AOAH: variants seen among roughly 807,000 people sequenced by gnomAD.
AOAH encodes acyloxyacyl hydrolase (neutrophil).
AOAH carries 64 observed loss-of-function variants against 92.2 expected under a neutral mutation model. That is an observed-to-expected ratio of 0.69 (90% CI 0.57 to 0.86). The LOEUF (loss-of-function observed/expected upper bound fraction) is 0.86. AOAH is among the 40% of genes least tolerant of loss of function. The pLI, the probability that AOAH is intolerant of heterozygous loss-of-function variation, is 0.00. For missense variants in AOAH, 656 were observed against 694.6 expected (o/e 0.94, Z 0.62); for synonymous variants, 263 against 254.5 (o/e 1.03, Z -0.32).
At chr7:36,644,264 C>G (rs1794091466) in intron 4 of AOAH, among the ~76,000 whole-genome samples, 1 of 152,104 alleles carries the variant, frequency 6.6e-6, no homozygotes, top group Non-Finnish European at 1.5e-5. Context: ...AGATCCAATT[C>G]AGACCCACTT....
chr7:36,620,671 C>T, intron 9 of AOAH, 110 bp downstream of exon 9: 1 of 1,011,436 alleles, frequency 9.9e-7, no homozygotes. Context: ...AAAAGAGTTG[C>T]TTTAGGCTGT....
chr7:36,576,618 C>A lies in AOAH; in HGVS notation c.977G>T (p.Arg326Ile), dbSNP rs776031951. The A allele has an allele frequency of 6.3e-7, 1 of 1,582,442 alleles. No individual in the cohort carries two copies. Among genetic ancestry groups the A allele is most frequent in the Non-Finnish European group, 8.6e-7 (1 of 1,159,778 alleles). ...GTAGTCCCTGTGATTACAGTGGTTT[C>A]TTTTCCATAAGCGAAGGTAAATAGA... Reference protein sequence around the residue: ...EKSIYLRLWKRNHCNHRDYQN... With the variant: ...EKSIYLRLWKINHCNHRDYQN... Residue 326 changes from arginine (R) to isoleucine (I), a missense_variant, in exon 13 of 21, where the codon AGA (arginine) becomes ATA (isoleucine). Arg to Ile is a moderately conservative substitution (Grantham distance 97). Coordinates refer to ENST00000617537, the MANE Select transcript of AOAH (RefSeq NM_001637.4).
chr7:36,544,622 G>C (rs1386283587), intron 15 of AOAH, among the ~76,000 whole-genome samples: 1 of 152,196 alleles, frequency 6.6e-6, no homozygotes, highest in Non-Finnish European at 1.5e-5. Context: ...AATAATGAGA[G>C]AGAAACTGGT....
At chr7:36,548,551 A>G in intron 15 of AOAH, 61 bp downstream of exon 15, 1 of 1,394,288 alleles carries the variant, frequency 7.2e-7, no homozygotes, top group Non-Finnish European at 1.0e-6. Flanking sequence ...GTTGGTGAGG[A>G]GAGGGTGGGG....
chr7:36,576,886 C>A (rs1424573668), intron 12 of AOAH, among the ~76,000 whole-genome samples: 1 of 152,148 alleles, frequency 6.6e-6, no homozygotes, highest in Non-Finnish European at 1.5e-5. Context: ...CTGTTGAAGA[C>A]ATAAAACTTT....
intron 6 of AOAH, 27 bp from the exon 7 acceptor site, chr7:36,623,277 G>A (rs751058765): frequency 6.2e-7 from 1 of 1,604,210 alleles, no homozygotes; most frequent in South Asian, 1.1e-5. Context: ...AAAACAATCG[G>A]TGAGCTAACA....
intron 11 of AOAH, among the ~76,000 whole-genome samples, chr7:36,613,812 C>T (rs1259563582): frequency 2.0e-5 from 3 of 152,200 alleles, no homozygotes; most frequent in African/African-American, 7.2e-5. Flanking sequence ...CTGAAGTTAA[C>T]ATTTTGCAAA....
chr7:36,703,470 G>A lies in AOAH; in HGVS notation c.128-16676C>T, dbSNP rs113760315. ...TCAGGTTTGTTACATGGGTATACAC[G>A]TGCCATGGTGATTTGCTGCACCCAT... On this transcript the variant is annotated intron_variant, in intron 1 of 20. Transcript: ENST00000617537. Among the ~76,000 whole-genome samples the A allele has an allele frequency of 8.3e-3, 1,269 of 152,140 alleles. 15 individuals are homozygous for A. The highest frequency in any genetic ancestry group is 0.029 in the African/African-American group (1,213 of 41,514).
At chr7:36,658,220 A>C (rs566692390) in intron 4 of AOAH, among the ~76,000 whole-genome samples, 27 of 152,342 alleles carry the variant, frequency 1.8e-4, no homozygotes, top group African/African-American at 6.3e-4. Context: ...TCAAGGAGAC[A>C]GGCTGATGTA....
intron 8 of AOAH, among the ~76,000 whole-genome samples, chr7:36,621,307 A>G (rs1349547340): frequency 1.3e-5 from 2 of 152,228 alleles, no homozygotes; most frequent in Admixed American, 6.5e-5. Context: ...CATTCATTAG[A>G]GGCTTCTCCT....
chr7:36,567,833 C>T (rs2116547876), intron 13 of AOAH, among the ~76,000 whole-genome samples: 1 of 152,296 alleles, frequency 6.6e-6, no homozygotes, highest in Non-Finnish European at 1.5e-5. Flanking sequence ...ATGGACTGCT[C>T]CCTCACGTCT....
chr7:36,533,633 T>A (rs1784827972), intron 16 of AOAH, among the ~76,000 whole-genome samples: 1 of 152,188 alleles, frequency 6.6e-6, no homozygotes, highest in South Asian at 2.1e-4. Context: ...TTCCCCCAAG[T>A]TCCTACTTCT....
At position 36,558,091 on chromosome 7, in the gene AOAH, C is replaced by G. The variant is rs557196980; in HGVS notation, c.1022-8616G>C. Among the ~76,000 whole-genome samples the G allele has an allele frequency of 3.3e-5, 5 of 152,298 alleles. No homozygotes were observed. The East Asian group carries it at 9.6e-4, about 29-fold the overall frequency. ...TTTTAGAGTTTCCAGTATTTCTGCT[C>G]TGTTTTTTCCCCATCTTTGTGGTTT... On this transcript the variant is annotated intron_variant, in intron 13 of 20. Transcript: ENST00000617537.
rs371320309 is a variant in AOAH at position 36,721,969 on chromosome 7, A to G, written c.127+2053T>C. Among the ~76,000 whole-genome samples the G allele has an allele frequency of 8.7e-4, 132 of 152,160 alleles. 1 individual carries two copies. The highest frequency in any genetic ancestry group is 3.0e-3 in the African/African-American group (123 of 41,508). On this transcript the variant is annotated intron_variant, in intron 1 of 20. Transcript: ENST00000617537. ...AAGCTGCCAGGTAAGAAAGCCTACTACCCAAGATAGCCATGTGTGGGCACT... is the reference window on the plus strand; with the variant it reads ...AAGCTGCCAGGTAAGAAAGCCTACTGCCCAAGATAGCCATGTGTGGGCACT...
intron 16 of AOAH, among the ~76,000 whole-genome samples, chr7:36,533,224 G>A (rs1784803300): frequency 6.6e-6 from 1 of 151,444 alleles, no homozygotes; most frequent in Non-Finnish European, 1.5e-5. Flanking sequence ...ACAAAATCCA[G>A]GTCTCCCCAA....
intron 16 of AOAH, among the ~76,000 whole-genome samples, chr7:36,538,863 T>G (rs980726685): frequency 6.6e-6 from 1 of 152,198 alleles, no homozygotes; most frequent in African/African-American, 2.4e-5. Flanking sequence ...ATGATAATAT[T>G]TGTGATACAT....
In AOAH at chr7:36,640,852, T is replaced by A. The variant is rs538274281; in HGVS notation, c.391-2942A>T. Among the ~76,000 whole-genome samples the A allele has an allele frequency of 3.3e-3, 506 of 152,310 alleles. 3 individuals are homozygous for A. Among genetic ancestry groups the A allele is most frequent in the African/African-American group, 0.011 (477 of 41,574 alleles). ...GAGAAGGACCCCAGCCTGGCCGACT[T>A]GAAGCCGCTGCAATGAGGTAGAAAA... On this transcript the variant is annotated intron_variant, in intron 4 of 20. Transcript: ENST00000617537.
intron 16 of AOAH, among the ~76,000 whole-genome samples, chr7:36,538,364 A>C (rs1043322703): frequency 2.0e-5 from 3 of 151,976 alleles, no homozygotes; most frequent in African/African-American, 7.3e-5. Flanking sequence ...TCCTTCCCCT[A>C]GTCCTTTCCA....
At chr7:36,535,101 TG>T (rs1784964078) in intron 16 of AOAH, among the ~76,000 whole-genome samples, 1 of 123,496 alleles carries the variant, frequency 8.1e-6, no homozygotes, top group Admixed American at 7.8e-5. Context: ...TGTGTGTTTG[TG>T]TGTGTCTGTG....
Sources: allele counts gnomAD v4.1 joint callset (sites outside exome capture counted in the v4.1 genomes callset), GRCh38; gene constraint gnomAD v4.1.1; transcripts MANE v1.5; gene names NCBI Gene and HGNC (gene_info 2026-07-23, HGNC 2026-07-21).